Variants in ZNF737 observed in about 807,000 individuals in gnomAD.
ZNF737 encodes the protein zinc finger protein 737.
Under a neutral mutation model 11.7 loss-of-function variants are expected in ZNF737, and 13 were observed. The ratio of observed to expected loss-of-function variants is 1.11; its 90% CI spans 0.73 to 1.77. ZNF737 has a LOEUF of 1.77. Among genes scored for constraint, ZNF737 ranks in the 40% most tolerant of loss-of-function variants. ZNF737 has a pLI of 0.00. For missense variants in ZNF737, 636 were observed against 638.0 expected (o/e 1.00, Z 0.03); for synonymous variants, 217 against 216.2 (o/e 1.00, Z -0.03).
At position 20,538,650 on chromosome 19, in the gene ZNF737, T is replaced by C. The variant is rs1199228564; in HGVS notation, c.*5942A>G. 2.0e-6 allele frequency: 2 copies of C among 984,706 alleles called. No individual in the cohort carries two copies. Among genetic ancestry groups the C allele is most frequent in the African/African-American group, 1.7e-5 (1 of 57,202 alleles). 61.0% of individuals were successfully genotyped at this position (984,706 alleles called of 1,614,324 possible). ...AGAGAACAAACATTTCTAAAACCAT[T>C]ATGGACCCTGAGTAATTCAGGGGGA... On this transcript the variant is annotated 3_prime_UTR_variant, in exon 4 of 4. Transcript: ENST00000427401.
At position 20,542,395 on chromosome 19, in the gene ZNF737, ATT is replaced by A. The variant is rs1175808514; in HGVS notation, c.*2195_*2196del. 1 of 361,986 alleles carries A rather than the reference ATT, an allele frequency of 2.8e-6. No individual in the cohort carries two copies. 22.4% of individuals were successfully genotyped at this position (361,986 alleles called of 1,614,324 possible). ...AGGCATGCACCACCATGCCTGGCTA[ATT>A]TTTTTTGTATTTTTAGTAGAGACTG... On this transcript the variant is annotated 3_prime_UTR_variant, in exon 4 of 4. Transcript: ENST00000427401.
At chr19:20,536,417 T>TTA (rs1330655093), downstream of ZNF737, among the ~76,000 whole-genome samples, 5 of 152,224 alleles carry the variant, frequency 3.3e-5, no homozygotes, top group Non-Finnish European at 7.3e-5. Context: ...AGTATTCAAT[T>TTA]TATATCACCT....
At position 20,545,484 on chromosome 19, in the gene ZNF737, C is replaced by G; in HGVS notation, c.719G>C (p.Arg240Pro). 6.2e-7 allele frequency: 1 copy of G among 1,612,672 alleles called. No homozygotes were observed. Among genetic ancestry groups the G allele is most frequent in the Non-Finnish European group, 8.5e-7 (1 of 1,179,608 alleles). Residue 240 changes from arginine (R) to proline (P), a missense_variant, in exon 4 of 4, where the codon CGG becomes CCG. Arg to Pro is a moderately radical substitution (Grantham distance 103, BLOSUM62 -2). Coordinates refer to ENST00000427401, the MANE Select transcript of ZNF737 (RefSeq NM_001159293.2). Reference sequence around the variant, plus strand: ...CTTATGTGCAGTAAGGTATGAAAACCGGCTAAAGGCTTTGCCACAGTCTTC... The same window carrying G: ...CTTATGTGCAGTAAGGTATGAAAACGGGCTAAAGGCTTTGCCACAGTCTTC... ...KCEDCGKAFSRFSYLTAHKII... is the reference protein window; with the variant it reads ...KCEDCGKAFSPFSYLTAHKII...
In ZNF737 at chr19:20,538,556, G is replaced by A. The variant is rs1968070231; in HGVS notation, c.*6036C>T. 1 of 832,280 alleles carries A rather than the reference G, an allele frequency of 1.2e-6. No homozygotes were observed. Among genetic ancestry groups the A allele is most frequent in the African/African-American group, 1.8e-5 (1 of 54,064 alleles). The allele number at this position is 832,280 out of a possible 1,614,324, so 51.6% of individuals were successfully genotyped here. On this transcript the variant is annotated 3_prime_UTR_variant, in exon 4 of 4. Coordinates refer to ENST00000427401, the MANE Select transcript of ZNF737 (RefSeq NM_001159293.2). Reference sequence around the variant, plus strand: ...TGTACTCGTGGCAAAACTGCTTTCTGCAAAAAGTAAAAATGGCCTTGCTAA... The same window carrying A: ...TGTACTCGTGGCAAAACTGCTTTCTACAAAAAGTAAAAATGGCCTTGCTAA...
rs782393828 is a variant in ZNF737, at chr19:20,545,385, G to A, written c.818C>T (p.Thr273Ile). 6.2e-7 allele frequency: 1 copy of A among 1,613,804 alleles called. No individual in the cohort carries two copies. The highest frequency in any genetic ancestry group is 2.2e-5 in the East Asian group (1 of 44,864). The change falls in exon 4 of 4, where the codon ACT becomes ATT. Residue 273 changes from threonine to isoleucine, a missense_variant. By Grantham distance (89) the Thr-to-Ile change is moderately conservative. Transcript: ENST00000427401. ...TCCAGTATGAATTATCTTATGTGTA[G>A]TAAGGTTAGAGGAGCGCTTAAAGGC... ...GKAFKRSSNL[T>I]THKIIHTGEK...
intron 1 of ZNF737, among the ~76,000 whole-genome samples, chr19:20,561,232 C>T (rs1273738264): frequency 2.0e-5 from 3 of 152,086 alleles, no homozygotes; most frequent in Admixed American, 2.0e-4. Flanking sequence ...GTGGAGAAAA[C>T]AGATTGCTGC....
At chr19:20,563,268 G>T (rs1270645111) in intron 1 of ZNF737, among the ~76,000 whole-genome samples, 1 of 148,554 alleles carries the variant, frequency 6.7e-6, no homozygotes, top group Admixed American at 6.9e-5. Flanking sequence ...TATGGCTGGG[G>T]TGAGCAGGCT....
In ZNF737 at chr19:20,543,808, T is replaced by G; in HGVS notation, c.*784A>C. 1.0e-6 allele frequency: 1 copy of G among 985,448 alleles called. No homozygotes were observed. The highest frequency in any genetic ancestry group is 1.2e-6 in the Non-Finnish European group (1 of 829,954). The allele number at this position is 985,448 out of a possible 1,614,324, so 61.0% of individuals were successfully genotyped here. A position where few individuals can be genotyped will look rare whatever the true frequency, so the allele number is the denominator to read the frequency against. ...AGCTTTGCGGATTTCCTCTTCAACA[T>G]GAATTATTGCCATGCCTCTTAAGAA... On this transcript the variant is annotated 3_prime_UTR_variant, in exon 4 of 4. Transcript: ENST00000427401.
chr19:20,564,989 C>A (rs1398203545), intron 1 of ZNF737, among the ~76,000 whole-genome samples: 3 of 144,384 alleles, frequency 2.1e-5, no homozygotes. Context: ...GGCTGGAGTG[C>A]AGTGGCAAGA....
rs1394455768 is a variant in ZNF737 at position 20,540,917 on chromosome 19, CAT to C, written c.*3673_*3674del. 1.0e-6 allele frequency: 1 copy of C among 969,414 alleles called. No individual in the cohort carries two copies. Among genetic ancestry groups the C allele is most frequent in the African/African-American group, 1.8e-5 (1 of 57,022 alleles). 60.1% of individuals were successfully genotyped at this position (969,414 alleles called of 1,614,324 possible). A position where few individuals can be genotyped will look rare whatever the true frequency, so the allele number is the denominator to read the frequency against. On this transcript the variant is annotated 3_prime_UTR_variant, in exon 4 of 4. Coordinates refer to ENST00000427401, the MANE Select transcript of ZNF737 (RefSeq NM_001159293.2). ...TGCACCATTTATACATTCACACACA[CAT>C]AGAACAATAAAAATATATCCAATTA...
chr19:20,553,648 C>T lies in ZNF737; in HGVS notation c.130+61G>A, dbSNP rs1968778523. The T allele has an allele frequency of 2.7e-6, 4 of 1,506,776 alleles. No homozygotes were observed. In the Admixed American group the frequency reaches 6.1e-5, roughly 23 times the overall value. 93.3% of individuals were successfully genotyped at this position (1,506,776 alleles called of 1,614,324 possible). On this transcript the variant is annotated intron_variant, in intron 2 of 3. Coordinates refer to ENST00000427401, the MANE Select transcript of ZNF737 (RefSeq NM_001159293.2). ...AGAATAAATTACTAAAAAAATTCTACAAGAGAGAGAAATAAAGTCTTTTGT... is the reference window on the plus strand; with the variant it reads ...AGAATAAATTACTAAAAAAATTCTATAAGAGAGAGAAATAAAGTCTTTTGT...
In ZNF737 at chr19:20,542,634, CTAT is replaced by C. The variant is rs1237203378; in HGVS notation, c.*1955_*1957del. On this transcript the variant is annotated 3_prime_UTR_variant, in exon 4 of 4. Transcript: ENST00000427401. The stretch of plus-strand genomic sequence containing the variant: ...TACTTTTAATTATTTCTTTGTGTCA[CTAT>C]AATAAAGTATTGCTCTGAACATTTA... 2 of 976,162 alleles carry C rather than the reference CTAT, an allele frequency of 2.0e-6. No individual in the cohort carries two copies. Among genetic ancestry groups the C allele is most frequent in the African/African-American group, 1.8e-5 (1 of 57,006 alleles). The allele number at this position is 976,162 out of a possible 1,614,324, so 60.5% of individuals were successfully genotyped here. A position where few individuals can be genotyped will look rare whatever the true frequency, so the allele number is the denominator to read the frequency against.
At position 20,545,801 on chromosome 19, in the gene ZNF737, G is replaced by C. The variant is rs782573590; in HGVS notation, c.402C>G (p.Asn134Lys). The C allele has an allele frequency of 5.0e-6, 8 of 1,612,938 alleles. No homozygotes were observed. In the South Asian group the frequency reaches 7.7e-5, roughly 16 times the overall value. Residue 134 changes from asparagine to lysine, a missense_variant, in exon 4 of 4, where the codon AAC becomes AAG. Physicochemically the swap from Asn to Lys is moderately conservative, Grantham distance 94. Transcript: ENST00000427401. ...KVHKRGYNGL[N>K]QYLTTTQSKI... ...TGCTTTGAGTAGTTGTCAAATATTG[G>C]TTAAGTCCATTATAACCTCTTTTGT...
At chr19:20,561,659 A>G (rs1447236133) in intron 1 of ZNF737, among the ~76,000 whole-genome samples, 2 of 151,874 alleles carry the variant, frequency 1.3e-5, no homozygotes, top group African/African-American at 2.4e-5. Flanking sequence ...ACATTAAACA[A>G]TTCTCCAACA....
At chr19:20,558,275 C>T (rs1173801879) in intron 1 of ZNF737, among the ~76,000 whole-genome samples, 3 of 79,022 alleles carry the variant, frequency 3.8e-5, no homozygotes, top group East Asian at 4.1e-4. Flanking sequence ...ACAGAGACTC[C>T]GTCTCAAAAA....
In ZNF737 at chr19:20,543,241, G is replaced by C. The variant is rs1968293656; in HGVS notation, c.*1351C>G. On this transcript the variant is annotated 3_prime_UTR_variant, in exon 4 of 4. Coordinates refer to ENST00000427401, the MANE Select transcript of ZNF737 (RefSeq NM_001159293.2). Reference sequence around the variant, plus strand: ...GTTTCTAAACTTAATACATTTGTAGGACTCATCTCCAATATAAATTCCCTG... The same window carrying C: ...GTTTCTAAACTTAATACATTTGTAGCACTCATCTCCAATATAAATTCCCTG... 1.0e-6 allele frequency: 1 copy of C among 985,202 alleles called. No individual in the cohort carries two copies. The highest frequency in any genetic ancestry group is 1.7e-5 in the African/African-American group (1 of 57,216). The allele number at this position is 985,202 out of a possible 1,614,324, so 61.0% of individuals were successfully genotyped here.
At chr19:20,559,019 T>C (rs1271742192) in intron 1 of ZNF737, among the ~76,000 whole-genome samples, 7 of 152,186 alleles carry the variant, frequency 4.6e-5, no homozygotes, top group African/African-American at 1.7e-4. Flanking sequence ...CATTACAGCA[T>C]ATACAAAAAT....
chr19:20,532,287 A>C (rs1314051080), downstream of ZNF737, among the ~76,000 whole-genome samples: 1 of 150,132 alleles, frequency 6.7e-6, no homozygotes, highest in African/African-American at 2.5e-5. Flanking sequence ...GGCTGATTGC[A>C]ATCACCTGGT....
At chr19:20,530,976 G>A (rs1283141821), downstream of ZNF737, among the ~76,000 whole-genome samples, 2 of 149,278 alleles carry the variant, frequency 1.3e-5, no homozygotes, top group African/African-American at 5.0e-5. Context: ...CTGCAATCCT[G>A]GCACCTCAGG....
Sources: allele counts gnomAD v4.1 joint callset (sites outside exome capture counted in the v4.1 genomes callset), GRCh38; gene constraint gnomAD v4.1.1; transcripts MANE v1.5; gene names NCBI Gene and HGNC (gene_info 2026-07-23, HGNC 2026-07-21).